The following LANCL3 variants were observed in gnomAD, a reference collection of about 807,000 sequenced individuals.
LANCL3 encodes the protein lanC-like protein 3.
Under a neutral mutation model 26.5 loss-of-function variants are expected in LANCL3, and 19 were observed. The observed-to-expected ratio is 0.72, with a 90% CI of 0.50 to 1.05. LANCL3 has a LOEUF of 1.05. Ranked by LOEUF, LANCL3 falls within the 50% of genes least tolerant of loss-of-function variation. The pLI is 0.00. For synonymous variants in LANCL3, 160 were observed against 166.6 expected (o/e 0.96, Z 0.30); for missense variants, 318 against 362.7 (o/e 0.88, Z 1.00).
intron 1 of LANCL3, among the ~76,000 whole-genome samples, chrX:37,637,666 C>A (rs1249813089): frequency 8.9e-6 from 1 of 112,007 alleles, no homozygotes; most frequent in Non-Finnish European, 1.9e-5. Flanking sequence ...CAGCCAGTTT[C>A]AGACTTTTTG....
chrX:37,668,727 TAG>T (rs1255464229), intron 4 of LANCL3, among the ~76,000 whole-genome samples: 5 of 112,052 alleles, frequency 4.5e-5, no homozygotes, highest in African/African-American at 1.6e-4. Flanking sequence ...GAGGGGGTCC[TAG>T]AGTAGCCCCT....
chrX:37,654,421 C>A (rs1556430174), intron 1 of LANCL3, among the ~76,000 whole-genome samples: 2 of 111,990 alleles, frequency 1.8e-5, no homozygotes, highest in African/African-American at 6.5e-5. Flanking sequence ...TTTATTGATC[C>A]CAGATTCATT....
intron 1 of LANCL3, among the ~76,000 whole-genome samples, chrX:37,613,845 G>A (rs1924941255): frequency 8.9e-6 from 1 of 112,398 alleles, no homozygotes; most frequent in African/African-American, 3.2e-5. Flanking sequence ...AAGGTGCCAT[G>A]AGTAGAGGGC....
chrX:37,591,738 G>A (rs1228727767), intron 1 of LANCL3, among the ~76,000 whole-genome samples: 1 of 104,440 alleles, frequency 9.6e-6, no homozygotes. Context: ...GGTGGGGGGG[G>A]TATGTACATT....
rs1926942129 is a variant in LANCL3 at position 37,681,833 on chromosome X, AG to A, written c.*6021del. On this transcript the variant is annotated 3_prime_UTR_variant, in exon 5 of 5. Transcript: ENST00000378619. ...ATCTTTGTATTCAGAATCACCCGAGAGCCACAATATCTCTTTTGTTCTAGAA... is the reference window on the plus strand; with the variant it reads ...ATCTTTGTATTCAGAATCACCCGAGACCACAATATCTCTTTTGTTCTAGAA... 1.8e-5 allele frequency: 2 copies of A among 111,491 alleles called. No individual in the cohort carries two copies. The highest frequency in any genetic ancestry group is 6.5e-5 in the African/African-American group (2 of 30,611). 9.2% of individuals were successfully genotyped at this position (111,491 alleles called of 1,213,427 possible). A position where few individuals can be genotyped will look rare whatever the true frequency, so the allele number is the denominator to read the frequency against.
intron 1 of LANCL3, among the ~76,000 whole-genome samples, chrX:37,598,685 C>T (rs1429772156): frequency 1.8e-5 from 2 of 112,492 alleles, no homozygotes; most frequent in African/African-American, 3.2e-5. Context: ...AAGATACGTT[C>T]ATTAAGATAT....
chrX:37,613,831 G>T (rs975424876), intron 1 of LANCL3, among the ~76,000 whole-genome samples: 1 of 112,207 alleles, frequency 8.9e-6, no homozygotes, highest in East Asian at 2.8e-4. Context: ...GAGAAAGTCC[G>T]TGAAAGGTGC....
At chrX:37,595,891 T>C (rs187979643) in intron 1 of LANCL3, among the ~76,000 whole-genome samples, 1 of 112,131 alleles carries the variant, frequency 8.9e-6, no homozygotes, top group African/African-American at 3.2e-5. Context: ...GCTTGCACTT[T>C]TCCTGTAAAG....
In LANCL3 at chrX:37,678,996, A is replaced by C. The variant is rs1926874023; in HGVS notation, c.*3183A>C. The C allele has an allele frequency of 8.9e-6, 1 of 111,972 alleles. No individual in the cohort carries two copies. Among genetic ancestry groups the C allele is most frequent in the Non-Finnish European group, 1.9e-5 (1 of 53,130 alleles). The allele number at this position is 111,972 out of a possible 1,213,427, so 9.2% of individuals were successfully genotyped here. ...TTGTGATTTCTAGCCATGTTAAATGAACACACAATTAAAAGGAAAACCATT... is the reference window on the plus strand; with the variant it reads ...TTGTGATTTCTAGCCATGTTAAATGCACACACAATTAAAAGGAAAACCATT... On this transcript the variant is annotated 3_prime_UTR_variant, in exon 5 of 5. Coordinates refer to ENST00000378619, the MANE Select transcript of LANCL3 (RefSeq NM_001170331.2).
At chrX:37,646,908 G>A (rs1411917844) in intron 1 of LANCL3, among the ~76,000 whole-genome samples, 1 of 111,849 alleles carries the variant, frequency 8.9e-6, no homozygotes, top group African/African-American at 3.3e-5. Context: ...TCAACTTCTG[G>A]TTTCTTTTCT....
intron 1 of LANCL3, among the ~76,000 whole-genome samples, chrX:37,631,996 C>A: frequency 9.1e-6 from 1 of 110,451 alleles, no homozygotes; most frequent in Non-Finnish European, 1.9e-5. Flanking sequence ...GAGTTCAATT[C>A]CTGGGTATCC....
intron 1 of LANCL3, among the ~76,000 whole-genome samples, chrX:37,575,995 A>T (rs1204435706): frequency 1.8e-5 from 2 of 112,037 alleles, no homozygotes; most frequent in African/African-American, 6.5e-5. Context: ...AAAATATGTC[A>T]TGTAACTGAT....
At chrX:37,615,130 C>T (rs1332542398) in intron 1 of LANCL3, among the ~76,000 whole-genome samples, 1 of 111,967 alleles carries the variant, frequency 8.9e-6, no homozygotes, top group Non-Finnish European at 1.9e-5. Context: ...AGGATTCACG[C>T]AGTTTGGCCT....
At chrX:37,632,025 A>G (rs1925533914) in intron 1 of LANCL3, among the ~76,000 whole-genome samples, 1 of 110,612 alleles carries the variant, frequency 9.0e-6, no homozygotes. Context: ...TTTCTGTCTC[A>G]TTGATCTGTC....
At chrX:37,631,889 G>T (rs1413568175) in intron 1 of LANCL3, among the ~76,000 whole-genome samples, 13 of 110,303 alleles carry the variant, frequency 1.2e-4, no homozygotes, top group African/African-American at 4.0e-4. Context: ...GTCAATTTTG[G>T]AATAGGTGTG....
At chrX:37,573,421 A>G (rs1556416008) in intron 1 of LANCL3, among the ~76,000 whole-genome samples, 3 of 112,019 alleles carry the variant, frequency 2.7e-5, no homozygotes, top group Admixed American at 1.9e-4. Context: ...AATTAAAGGT[A>G]TATAGAGTGT....
intron 1 of LANCL3, among the ~76,000 whole-genome samples, chrX:37,641,604 T>C (rs185319198): frequency 9.9e-4 from 110 of 111,499 alleles, no homozygotes; most frequent in African/African-American, 3.4e-3. Flanking sequence ...AATTTTAAAG[T>C]ATCTCTGCCT....
At chrX:37,602,869 G>GT (rs1362721780) in intron 1 of LANCL3, among the ~76,000 whole-genome samples, 1 of 111,580 alleles carries the variant, frequency 9.0e-6, no homozygotes, top group Non-Finnish European at 1.9e-5. Context: ...TGATTGCCTT[G>GT]TTTAATCCTT....
rs1338073478 is a variant in LANCL3, at chrX:37,648,680, C to T, written c.574-7008C>T. On this transcript the variant is annotated intron_variant, in intron 1 of 4. Transcript: ENST00000378619. Reference sequence around the variant, plus strand: ...TTCATCAGAGTGAACAGGTGACATACGGAATGGGAGAAAATTTTTGCAATC... The same window carrying T: ...TTCATCAGAGTGAACAGGTGACATATGGAATGGGAGAAAATTTTTGCAATC... Among the ~76,000 whole-genome samples, 3 of 111,695 alleles carry T rather than the reference C, an allele frequency of 2.7e-5. No individual in the cohort carries two copies. The South Asian group carries it at 1.1e-3, about 42-fold the overall frequency.
Sources: allele counts gnomAD v4.1 joint callset (sites outside exome capture counted in the v4.1 genomes callset), GRCh38; gene constraint gnomAD v4.1.1; transcripts MANE v1.5; gene names NCBI Gene and HGNC (gene_info 2026-07-23, HGNC 2026-07-21).